Variants in AHCTF1 observed in about 807,000 individuals in gnomAD.
The protein encoded by AHCTF1 is AT-hook containing transcription factor 1, also known as protein ELYS.
A neutral mutation model predicts 248.4 loss-of-function variants in AHCTF1; 24 were observed. The observed-to-expected ratio is 0.10, with a 90% CI of 0.07 to 0.14. The LOEUF (loss-of-function observed/expected upper bound fraction) is 0.14. AHCTF1 is among the 10% of genes least tolerant of loss of function. The probability of loss-of-function intolerance (pLI) is 1.00; values close to 1 mark genes in which losing one functional copy is unlikely to be tolerated. For missense variants in AHCTF1, 2,206 were observed against 2,636.2 expected (o/e 0.84, Z 3.57); for synonymous variants, 786 against 929.8 (o/e 0.85, Z 2.81).
chr1:246,879,877 C>G (rs980835231), intron 21 of AHCTF1, among the ~76,000 whole-genome samples: 1 of 151,960 alleles, frequency 6.6e-6, no homozygotes, highest in East Asian at 1.9e-4. Context: ...TAAAATGGTA[C>G]AGCCATCCAA....
chr1:246,905,109 TACTC>T (rs958439449), intron 6 of AHCTF1, among the ~76,000 whole-genome samples: 10 of 152,238 alleles, frequency 6.6e-5, no homozygotes, highest in Admixed American at 3.3e-4. Context: ...TTTCAACTAC[TACTC>T]ACTAATTCAC....
intron 30 of AHCTF1, 80 bp from the exon 31 acceptor site, chr1:246,855,907 T>A: frequency 1.0e-6 from 1 of 965,888 alleles, no homozygotes; most frequent in Non-Finnish European, 1.5e-6. Context: ...CCACCTAACC[T>A]GTCATTTTGG....
chr1:246,909,243 C>A (rs1244186696), intron 4 of AHCTF1, among the ~76,000 whole-genome samples: 1 of 126,156 alleles, frequency 7.9e-6, no homozygotes, highest in Non-Finnish European at 1.6e-5. Flanking sequence ...AACCTCGGCT[C>A]TACTAAAAAA....
At chr1:246,920,750 A>G (rs1209548183) in intron 1 of AHCTF1, among the ~76,000 whole-genome samples, 1 of 150,462 alleles carries the variant, frequency 6.6e-6, no homozygotes, top group Non-Finnish European at 1.5e-5. Context: ...AGCCTGGGTG[A>G]CAGAGCAAAA....
intron 7 of AHCTF1, among the ~76,000 whole-genome samples, chr1:246,903,439 GAAGTT>G (rs913190843): frequency 3.9e-5 from 6 of 152,186 alleles, no homozygotes; most frequent in Non-Finnish European, 8.8e-5. Context: ...CGGTATCTGA[GAAGTT>G]AAGAATGCTA....
At chr1:246,855,697 G>T in intron 31 of AHCTF1, 33 bp downstream of exon 31, 1 of 1,517,358 alleles carries the variant, frequency 6.6e-7, no homozygotes, top group African/African-American at 1.4e-5. Context: ...CACAAAAATG[G>T]AATAATCCTG....
At chr1:246,849,009 A>G (rs1312047217) in intron 33 of AHCTF1, among the ~76,000 whole-genome samples, 2 of 152,146 alleles carry the variant, frequency 1.3e-5, no homozygotes, top group Non-Finnish European at 2.9e-5. Context: ...GATATATTGT[A>G]TATCTGTTTG....
intron 4 of AHCTF1, among the ~76,000 whole-genome samples, chr1:246,911,144 T>G (rs1041117353): frequency 6.6e-6 from 1 of 152,194 alleles, no homozygotes; most frequent in African/African-American, 2.4e-5. Context: ...AAATTATCCT[T>G]GTGCACCTAC....
At chr1:246,863,271 CCAAA>C (rs1661708861) in intron 27 of AHCTF1, among the ~76,000 whole-genome samples, 1 of 151,504 alleles carries the variant, frequency 6.6e-6, no homozygotes, top group Non-Finnish European at 1.5e-5. Context: ...TGCTGGATAT[CCAAA>C]CAGAGAACCC....
intron 20 of AHCTF1, 70 bp downstream of exon 20, chr1:246,887,141 T>G: frequency 4.6e-6 from 7 of 1,507,994 alleles, no homozygotes; most frequent in Non-Finnish European, 6.2e-6. Flanking sequence ...TAATACCAAA[T>G]TTAAATTATG....
At chr1:246,929,586 G>C (rs1667182727) in intron 1 of AHCTF1, among the ~76,000 whole-genome samples, 1 of 152,162 alleles carries the variant, frequency 6.6e-6, no homozygotes, top group Admixed American at 6.5e-5. Flanking sequence ...GACGATTCTG[G>C]AATAGCAAAA....
At chr1:246,853,601 C>CACCAGGTGACT (rs1238674584) in intron 31 of AHCTF1, among the ~76,000 whole-genome samples, 8 of 152,058 alleles carry the variant, frequency 5.3e-5, no homozygotes, top group Non-Finnish European at 1.5e-5. Context: ...AAACTGTATT[C>CACCAGGTGACT]ACCAGGTGAC....
chr1:246,902,059 T>G (rs543287909), intron 8 of AHCTF1, among the ~76,000 whole-genome samples: 1 of 152,084 alleles, frequency 6.6e-6, no homozygotes, highest in Non-Finnish European at 1.5e-5. Context: ...AGCTCTGAAA[T>G]GTTAAGCAAT....
chr1:246,903,869 T>C, intron 7 of AHCTF1, 80 bp downstream of exon 7: 1 of 985,038 alleles, frequency 1.0e-6, no homozygotes, highest in Non-Finnish European at 1.5e-6. Context: ...CACTTTTCAA[T>C]ATCTTAAAAC....
At chr1:246,931,019 C>T in intron 1 of AHCTF1, 1 of 1,402,344 alleles carries the variant, frequency 7.1e-7, no homozygotes, top group Non-Finnish European at 9.4e-7. Context: ...GAAGGCAAAG[C>T]ACCCCAAGAT....
intron 1 of AHCTF1, among the ~76,000 whole-genome samples, chr1:246,924,687 T>A (rs1454457362): frequency 1.3e-5 from 2 of 152,202 alleles, no homozygotes; most frequent in Non-Finnish European, 2.9e-5. Flanking sequence ...TCATTTTCTG[T>A]TCAGGCTATA....
chr1:246,931,378 G>C, intron 1 of AHCTF1, 200 bp downstream of exon 1: 10 of 1,510,374 alleles, frequency 6.6e-6, no homozygotes, highest in Non-Finnish European at 7.1e-6. Flanking sequence ...CGGCGCCCGC[G>C]AGCCTGCCGT....
At chr1:246,905,488 C>T in intron 6 of AHCTF1, 53 bp downstream of exon 6, 1 of 1,447,602 alleles carries the variant, frequency 6.9e-7, no homozygotes, top group East Asian at 2.3e-5. Context: ...CAGAGCGAGA[C>T]TCTGTCTCCA....
In AHCTF1 at chr1:246,891,959, A is replaced by C. The variant is rs369910717; in HGVS notation, c.1805-40T>G. On this transcript the variant is annotated intron_variant, in intron 14 of 35. Transcript: ENST00000648844. ...AGAAAAGATAAGTTTCCATACAGTA[A>C]ATCTAAATAAATTAGAATCACAATG... 4.7e-5 allele frequency: 72 copies of C among 1,547,980 alleles called. No homozygotes were observed. The African/African-American group carries it at 1.0e-3, about 22-fold the overall frequency.
Sources: allele counts gnomAD v4.1 joint callset (sites outside exome capture counted in the v4.1 genomes callset), GRCh38; gene constraint gnomAD v4.1.1; transcripts MANE v1.5; gene names NCBI Gene and HGNC (gene_info 2026-07-23, HGNC 2026-07-21).